Variants in SPOCK1 observed in about 807,000 individuals in gnomAD.
SPOCK1 encodes testican-1.
In SPOCK1, 23 loss-of-function variants were observed where a neutral mutation model predicts 55.3. The ratio of observed to expected loss-of-function variants is 0.42; its 90% CI spans 0.30 to 0.59. SPOCK1 has a LOEUF of 0.59. SPOCK1 is among the 20% of genes least tolerant of loss of function. The probability of loss-of-function intolerance (pLI) is 0.22; values close to 1 mark genes in which losing one functional copy is unlikely to be tolerated. For synonymous variants in SPOCK1, 226 were observed against 221.0 expected, an observed-to-expected ratio of 1.02 and a Z score of -0.20; for missense variants, 499 against 552.5, an observed-to-expected ratio of 0.90 and a Z score of 0.97.
chr5:137,036,382 C>T (rs1208739326), intron 6 of SPOCK1, among the ~76,000 whole-genome samples: 1 of 152,056 alleles, frequency 6.6e-6, no homozygotes. Context: ...TCTCTTCCAT[C>T]CAGGAAGCCC....
intron 2 of SPOCK1, among the ~76,000 whole-genome samples, chr5:137,343,609 C>T (rs748068467): frequency 6.6e-5 from 10 of 152,210 alleles, no homozygotes; most frequent in Non-Finnish European, 1.0e-4. Context: ...CTCTCAGCCC[C>T]GTTGTATGAA....
At chr5:137,259,026 G>A (rs778980293) in intron 3 of SPOCK1, among the ~76,000 whole-genome samples, 26 of 152,158 alleles carry the variant, frequency 1.7e-4, no homozygotes, top group Non-Finnish European at 2.6e-4. Context: ...TGACTGAGCA[G>A]GAAGAAACGC....
At chr5:137,439,337 T>C (rs991755883) in intron 2 of SPOCK1, among the ~76,000 whole-genome samples, 4 of 152,276 alleles carry the variant, frequency 2.6e-5, no homozygotes, top group Admixed American at 2.6e-4. Context: ...TCCTCACTCA[T>C]TAAAGTCTCA....
chr5:137,292,013 G>T (rs1158809721), intron 2 of SPOCK1, among the ~76,000 whole-genome samples: 6 of 152,170 alleles, frequency 3.9e-5, no homozygotes, highest in Non-Finnish European at 2.9e-5. Flanking sequence ...TGTGATAAAA[G>T]CATCTCTGAG....
At chr5:137,089,919 A>G (rs1753024518) in intron 5 of SPOCK1, among the ~76,000 whole-genome samples, 1 of 152,200 alleles carries the variant, frequency 6.6e-6, no homozygotes, top group Admixed American at 6.5e-5. Context: ...TCTGAAATAC[A>G]CCAGGAGATG....
chr5:136,987,938 C>T (rs1222140844), intron 8 of SPOCK1, among the ~76,000 whole-genome samples: 7 of 152,142 alleles, frequency 4.6e-5, no homozygotes, highest in Admixed American at 3.3e-4. Flanking sequence ...CAAATCTTGC[C>T]TCTTTTTTTC....
intron 2 of SPOCK1, among the ~76,000 whole-genome samples, chr5:137,319,137 T>C (rs539351478): frequency 3.3e-5 from 5 of 152,328 alleles, no homozygotes; most frequent in Admixed American, 6.5e-5. Context: ...CTATATATCA[T>C]GAAGGTTATG....
chr5:137,461,217 G>A (rs910508444), intron 2 of SPOCK1, among the ~76,000 whole-genome samples: 7 of 152,284 alleles, frequency 4.6e-5, no homozygotes, highest in Admixed American at 1.3e-4. Flanking sequence ...TAATCAGTCC[G>A]TGTCTTGGGA....
intron 9 of SPOCK1, among the ~76,000 whole-genome samples, chr5:136,983,124 G>C (rs1024114109): frequency 6.6e-6 from 1 of 152,194 alleles, no homozygotes; most frequent in Non-Finnish European, 1.5e-5. Context: ...CCTGAAAACA[G>C]AGGTTCCTGC....
chr5:137,026,773 T>C (rs917977243), intron 6 of SPOCK1, among the ~76,000 whole-genome samples: 2 of 152,186 alleles, frequency 1.3e-5, no homozygotes, highest in African/African-American at 4.8e-5. Context: ...TCTGAGTTGC[T>C]GGGCCAAGGA....
At chr5:137,458,319 GAAACA>G (rs1304745753) in intron 2 of SPOCK1, among the ~76,000 whole-genome samples, 2 of 152,070 alleles carry the variant, frequency 1.3e-5, no homozygotes, top group Admixed American at 6.6e-5. Flanking sequence ...AAGGGTCTTA[GAAACA>G]AAACAAAACA....
intron 2 of SPOCK1, among the ~76,000 whole-genome samples, chr5:137,272,755 C>A (rs937592623): frequency 6.3e-4 from 77 of 122,222 alleles, no homozygotes; most frequent in African/African-American, 2.2e-3. Flanking sequence ...CCCCAACACA[C>A]ACACGGGCCT....
At chr5:137,305,752 T>C (rs1239514544) in intron 2 of SPOCK1, among the ~76,000 whole-genome samples, 2 of 152,288 alleles carry the variant, frequency 1.3e-5, no homozygotes, top group Admixed American at 6.5e-5. Context: ...ACTTCTTCAC[T>C]CAAGGCAGCC....
At chr5:137,466,123 C>T (rs1460865221) in intron 2 of SPOCK1, among the ~76,000 whole-genome samples, 4 of 152,336 alleles carry the variant, frequency 2.6e-5, no homozygotes, top group African/African-American at 7.2e-5. Context: ...AACAATTACT[C>T]GATTTAATTT....
At chr5:137,097,312 A>T (rs1753170579) in intron 5 of SPOCK1, among the ~76,000 whole-genome samples, 1 of 152,198 alleles carries the variant, frequency 6.6e-6, no homozygotes, top group South Asian at 2.1e-4. Flanking sequence ...TCCCTTGCAC[A>T]TTTGGCAGAC....
At chr5:137,304,154 G>GA (rs1184978415) in intron 2 of SPOCK1, among the ~76,000 whole-genome samples, 16 of 152,018 alleles carry the variant, frequency 1.1e-4, no homozygotes, top group East Asian at 5.8e-4. Flanking sequence ...AAAGAAGGGG[G>GA]AAAAAATCCA....
At chr5:137,463,775 C>G (rs541147159) in intron 2 of SPOCK1, among the ~76,000 whole-genome samples, 1 of 151,162 alleles carries the variant, frequency 6.6e-6, no homozygotes, top group Non-Finnish European at 1.5e-5. Context: ...TGGCAAAACC[C>G]CATCTCTACT....
intron 3 of SPOCK1, among the ~76,000 whole-genome samples, chr5:137,244,738 C>T (rs1756361568): frequency 6.6e-6 from 1 of 152,196 alleles, no homozygotes; most frequent in African/African-American, 2.4e-5. Flanking sequence ...TTTATGACTG[C>T]AAATAACTCC....
intron 2 of SPOCK1, 22 bp downstream of exon 2, chr5:137,498,351 G>A (rs555824372): frequency 1.3e-6 from 2 of 1,559,802 alleles, no homozygotes; most frequent in Non-Finnish European, 1.7e-6. Context: ...GCCCCCCAGG[G>A]CCGGGTGGCG....
Sources: gnomAD v4.1 joint callset for allele counts (sites outside exome capture counted in the v4.1 genomes callset) on GRCh38, gnomAD v4.1.1 for gene constraint, MANE v1.5 for transcripts, NCBI Gene and HGNC (gene_info 2026-07-23, HGNC 2026-07-21) for gene names.